The following SVIL variants were observed in gnomAD, a reference collection of about 807,000 sequenced individuals.
SVIL encodes the protein supervillin.
A neutral mutation model predicts 240.4 loss-of-function variants in SVIL; 101 were observed. The ratio of observed to expected loss-of-function variants is 0.42; its 90% CI spans 0.36 to 0.50. The LOEUF (loss-of-function observed/expected upper bound fraction) is 0.50. SVIL is among the 20% of genes least tolerant of loss of function. The probability of loss-of-function intolerance (pLI) is 0.01; values close to 1 mark genes in which losing one functional copy is unlikely to be tolerated. For synonymous variants in SVIL, 999 were observed against 1,100.0 expected, an observed-to-expected ratio of 0.91 and a Z score of 1.82; for missense variants, 2,512 against 2,818.7, an observed-to-expected ratio of 0.89 and a Z score of 2.46.
chr10:29,641,966 C>T (rs1958499364), intron 3 of SVIL, among the ~76,000 whole-genome samples: 1 of 152,188 alleles, frequency 6.6e-6, no homozygotes, highest in South Asian at 2.1e-4. Flanking sequence ...CTTCTCTGAG[C>T]TGGAACCTCC....
chr10:29,708,060 A>G (rs2132660286), intron 1 of SVIL, among the ~76,000 whole-genome samples: 1 of 151,034 alleles, frequency 6.6e-6, no homozygotes, highest in East Asian at 2.0e-4. Flanking sequence ...GATGGAGACC[A>G]TCCTGGCTAA....
chr10:29,721,819 T>C (rs962693985), intron 1 of SVIL, among the ~76,000 whole-genome samples: 1 of 152,238 alleles, frequency 6.6e-6, no homozygotes, highest in Non-Finnish European at 1.5e-5. Flanking sequence ...TCCATATCCA[T>C]GTTGACTTGT....
upstream of SVIL, among the ~76,000 whole-genome samples, chr10:29,638,616 A>T (rs529217599): frequency 6.6e-6 from 1 of 152,342 alleles, no homozygotes; most frequent in South Asian, 2.1e-4. Context: ...ATCTATAGAG[A>T]TTTACTTATT....
intron 1 of SVIL, among the ~76,000 whole-genome samples, chr10:29,692,500 T>G (rs951571905): frequency 6.6e-6 from 1 of 152,168 alleles, no homozygotes; most frequent in Non-Finnish European, 1.5e-5. Flanking sequence ...GCACTCATTA[T>G]AGTGCTTGGC....
At chr10:29,637,283 G>A (rs531284456), upstream of SVIL, among the ~76,000 whole-genome samples, 5 of 152,194 alleles carry the variant, frequency 3.3e-5, no homozygotes, top group East Asian at 1.9e-4. Context: ...TCAGGAGTTC[G>A]AGACCAGCCT....
chr10:29,592,245 C>A (rs147874042), intron 1 of SVIL, among the ~76,000 whole-genome samples: 1 of 152,118 alleles, frequency 6.6e-6, no homozygotes, highest in Non-Finnish European at 1.5e-5. Context: ...GAGTGAGACT[C>A]TTTCTCAAAA....
chr10:29,503,028 T>A (rs1465235712), intron 17 of SVIL, among the ~76,000 whole-genome samples: 3 of 152,232 alleles, frequency 2.0e-5, no homozygotes, highest in South Asian at 2.1e-4. Flanking sequence ...ACCTGGCTTT[T>A]AAAATTTTTT....
chr10:29,602,189 C>A (rs1274673164), intron 1 of SVIL: 4 of 500,114 alleles, frequency 8.0e-6, no homozygotes, highest in Non-Finnish European at 1.6e-5. Flanking sequence ...CAAAAGAGTT[C>A]TGATCATTTT....
rs1156353906 is a variant in SVIL at position 29,562,788 on chromosome 10, A to G, written c.-51+413T>C. ...AAAAAAGAAAAAAAAAAAAAAAAAAAAAAAAAAAGAGCCGTAAGGCCTGGG... is the reference window on the plus strand; with the variant it reads ...AAAAAAGAAAAAAAAAAAAAAAAAAGAAAAAAAAGAGCCGTAAGGCCTGGG... On this transcript the variant is annotated intron_variant, in intron 3 of 37. Coordinates refer to ENST00000355867, the MANE Select transcript of SVIL (RefSeq NM_021738.3). Among the ~76,000 whole-genome samples, 5 of 150,382 alleles carry G rather than the reference A, an allele frequency of 3.3e-5. 1 individual carries two copies. The highest frequency in any genetic ancestry group is 3.3e-4 in the Admixed American group (5 of 15,168).
At chr10:29,477,548 C>G (rs1313850822) in intron 29 of SVIL, among the ~76,000 whole-genome samples, 3 of 152,226 alleles carry the variant, frequency 2.0e-5, no homozygotes, top group Non-Finnish European at 4.4e-5. Context: ...CAGAAGTGCA[C>G]CCTGAGCTCT....
At chr10:29,578,114 A>G (rs1342534264) in intron 1 of SVIL, among the ~76,000 whole-genome samples, 1 of 152,212 alleles carries the variant, frequency 6.6e-6, no homozygotes, top group Non-Finnish European at 1.5e-5. Context: ...AAACTCCATT[A>G]CTGATTTGAA....
chr10:29,592,571 GGT>G (rs1385840162), intron 1 of SVIL, among the ~76,000 whole-genome samples: 1 of 152,180 alleles, frequency 6.6e-6, no homozygotes, highest in African/African-American at 2.4e-5. Context: ...TCAATGTCAA[GGT>G]GTCCATCGTT....
intron 2 of SVIL, among the ~76,000 whole-genome samples, chr10:29,674,485 GC>G (rs1960049508): frequency 6.6e-6 from 1 of 152,146 alleles, no homozygotes; most frequent in Non-Finnish European, 1.5e-5. Context: ...AAATAAATTA[GC>G]TTAGAAAAAT....
chr10:29,554,524 G>A (rs148419933), intron 5 of SVIL, among the ~76,000 whole-genome samples: 1 of 152,000 alleles, frequency 6.6e-6, no homozygotes, highest in African/African-American at 2.4e-5. Flanking sequence ...GGTGGTGTAA[G>A]CCTGTAGTCC....
In SVIL at chr10:29,492,543, T is replaced by C. The variant is rs536206112; in HGVS notation, c.4019+671A>G. Among the ~76,000 whole-genome samples, 7 of 152,222 alleles carry C rather than the reference T, an allele frequency of 4.6e-5. No homozygotes were observed. The South Asian group carries it at 1.2e-3, about 27-fold the overall frequency. On this transcript the variant is annotated intron_variant, in intron 21 of 37. Transcript: ENST00000355867. ...GCTGAGCCGGCAAACCCCTCCGCAC[T>C]GTTCAGCCAGTGAGCCGACAAAGCC...
At chr10:29,722,771 G>A (rs1289526211) in intron 1 of SVIL, among the ~76,000 whole-genome samples, 1 of 152,192 alleles carries the variant, frequency 6.6e-6, no homozygotes, top group Non-Finnish European at 1.5e-5. Context: ...TCTACTGCAT[G>A]AGCTTTCAAG....
intron 36 of SVIL, among the ~76,000 whole-genome samples, chr10:29,460,886 C>T (rs1176556041): frequency 1.3e-5 from 2 of 152,152 alleles, no homozygotes; most frequent in Non-Finnish European, 2.9e-5. Context: ...GCCTGGGCAA[C>T]AGAGCAAGAC....
At chr10:29,630,536 T>C (rs138719416) in intron 1 of SVIL, among the ~76,000 whole-genome samples, 151 of 152,196 alleles carry the variant, frequency 9.9e-4, no homozygotes, top group Middle Eastern at 3.4e-3. Flanking sequence ...CAAGTTGAAG[T>C]TGACTGTATG....
chr10:29,657,649 C>A (rs1383204028), intron 3 of SVIL, among the ~76,000 whole-genome samples: 1 of 152,250 alleles, frequency 6.6e-6, no homozygotes, highest in Admixed American at 6.5e-5. Context: ...CCCTAATAGC[C>A]ACGGCTCAGC....
Sources: allele counts gnomAD v4.1 joint callset (sites outside exome capture counted in the v4.1 genomes callset), GRCh38; gene constraint gnomAD v4.1.1; transcripts MANE v1.5; gene names NCBI Gene and HGNC (gene_info 2026-07-23, HGNC 2026-07-21).